Variants in ZCCHC7 observed in about 807,000 individuals in gnomAD.
The protein encoded by ZCCHC7 is zinc finger CCHC-type containing 7.
In ZCCHC7, 35 loss-of-function variants were observed where a neutral mutation model predicts 52.0. The observed-to-expected ratio is 0.67, with a 90% CI of 0.51 to 0.89. The LOEUF is 0.89. Ranked by LOEUF, ZCCHC7 falls within the 40% of genes least tolerant of loss-of-function variation. The pLI is 0.00. For missense variants in ZCCHC7, 574 were observed against 649.1 expected (o/e 0.88, Z 1.26); for synonymous variants, 217 against 221.5 (o/e 0.98, Z 0.18).
intron 2 of ZCCHC7, among the ~76,000 whole-genome samples, chr9:37,130,334 CTTTTTTTTTTTT>C (rs34589957): frequency 2.2e-4 from 14 of 63,136 alleles, no homozygotes; most frequent in South Asian, 1.5e-3. Context: ...GAATTCTCTC[CTTTTTTTTTTTT>C]TTTTTTTTTT....
chr9:37,223,772 C>T (rs1824949264), intron 2 of ZCCHC7, among the ~76,000 whole-genome samples: 1 of 151,864 alleles, frequency 6.6e-6, no homozygotes, highest in African/African-American at 2.4e-5. Context: ...TGGAAACAAC[C>T]CAGATGTTTA....
intron 2 of ZCCHC7, among the ~76,000 whole-genome samples, chr9:37,278,616 G>T (rs988615150): frequency 6.6e-6 from 1 of 152,164 alleles, no homozygotes; most frequent in Non-Finnish European, 1.5e-5. Context: ...CCCACATTTA[G>T]TGAAAGATGT....
chr9:37,340,041 A>G (rs944165781), intron 6 of ZCCHC7, among the ~76,000 whole-genome samples: 3 of 152,180 alleles, frequency 2.0e-5, no homozygotes, highest in African/African-American at 7.2e-5. Flanking sequence ...TAGTGAAGGG[A>G]GTAAGGCCAG....
rs781549500 is a variant in ZCCHC7 at position 37,126,617 on chromosome 9, T to A, written c.285T>A (p.Ser95=). Residue 95 remains serine (S), a synonymous_variant, in exon 2 of 9, where the codon TCT becomes TCA. Coordinates refer to ENST00000336755, the MANE Select transcript of ZCCHC7 (RefSeq NM_032226.3). ...ATGGGTCAGAGGTCATCACTTTGTC[T>A]GATGAAGACAGTATTTATAGATGTA... is the stretch of plus-strand genomic sequence containing the variant. ...LSDGSEVITL[S]DEDSIYRCKG... 6.2e-7 allele frequency: 1 copy of A among 1,614,206 alleles called. No individual in the cohort carries two copies.
Position 37,354,640 on chromosome 9 carries a change from C to A in ZCCHC7, c.1084-70C>A, listed in dbSNP as rs1411678703. ...GGGGCTCATTTCTAATTAACATGCT[C>A]CAGAATCTTGCAAAAAGGTTTTTGA... On this transcript the variant is annotated intron_variant, in intron 7 of 8. Coordinates refer to ENST00000336755, the MANE Select transcript of ZCCHC7 (RefSeq NM_032226.3). The surrounding 1 kb of genome is among the most constrained non-coding windows in gnomAD (Gnocchi z 4.0). The A allele has an allele frequency of 9.0e-7, 1 of 1,112,398 alleles. No homozygotes were observed. Among genetic ancestry groups the A allele is most frequent in the African/African-American group, 1.6e-5 (1 of 64,140 alleles). The allele number at this position is 1,112,398 out of a possible 1,614,324, so 68.9% of individuals were successfully genotyped here. A position where few individuals can be genotyped will look rare whatever the true frequency, so the allele number is the denominator to read the frequency against.
At chr9:37,279,193 A>G (rs1243062281) in intron 2 of ZCCHC7, among the ~76,000 whole-genome samples, 1 of 151,970 alleles carries the variant, frequency 6.6e-6, no homozygotes, top group Non-Finnish European at 1.5e-5. Context: ...TTTCAAATGT[A>G]TATGATGTTG....
At chr9:37,305,901 A>T (rs913226409) in intron 5 of ZCCHC7, among the ~76,000 whole-genome samples, 187 bp downstream of exon 5, 1 of 152,138 alleles carries the variant, frequency 6.6e-6, no homozygotes, top group Non-Finnish European at 1.5e-5. Flanking sequence ...TGCTCTAAAT[A>T]ATATAGGGGT....
intron 2 of ZCCHC7, among the ~76,000 whole-genome samples, chr9:37,265,409 G>C (rs1196514942): frequency 1.3e-5 from 2 of 152,148 alleles, no homozygotes; most frequent in South Asian, 2.1e-4. Flanking sequence ...GATCACGAAA[G>C]AAAGTTCGTC....
chr9:37,174,970 C>G (rs1471385173), intron 2 of ZCCHC7, among the ~76,000 whole-genome samples: 5 of 152,004 alleles, frequency 3.3e-5, no homozygotes, highest in Non-Finnish European at 7.4e-5. Flanking sequence ...AACCCTGTCT[C>G]TACTAAAAAT....
chr9:37,194,823 GTTA>G (rs1473749602), intron 2 of ZCCHC7, among the ~76,000 whole-genome samples: 6 of 151,994 alleles, frequency 3.9e-5, no homozygotes, highest in Non-Finnish European at 7.4e-5. Flanking sequence ...ATTACAAACA[GTTA>G]TTATATATAC....
chr9:37,357,969 G>A lies in ZCCHC7; in HGVS notation c.*701G>A, dbSNP rs1007475055. ...AATCATTTTTTACCACTTTTACAGC[G>A]GTGTTTCAAGCGGACTGTCACTCAG... is the stretch of plus-strand genomic sequence containing the variant. On this transcript the variant is annotated 3_prime_UTR_variant, in exon 9 of 9. Transcript: ENST00000336755. 3.9e-5 allele frequency: 6 copies of A among 151,918 alleles called. No homozygotes were observed. Among genetic ancestry groups the A allele is most frequent in the African/African-American group, 7.3e-5 (3 of 41,360 alleles). 9.4% of individuals were successfully genotyped at this position (151,918 alleles called of 1,614,324 possible). A position where few individuals can be genotyped will look rare whatever the true frequency, so the allele number is the denominator to read the frequency against.
chr9:37,281,397 G>C (rs1240054208), intron 2 of ZCCHC7, among the ~76,000 whole-genome samples: 1 of 152,172 alleles, frequency 6.6e-6, no homozygotes, highest in Admixed American at 6.5e-5. Context: ...TCTCAGTTTT[G>C]TGTGTGTTTT....
At chr9:37,319,578 G>T (rs116085257) in intron 5 of ZCCHC7, among the ~76,000 whole-genome samples, 1 of 151,932 alleles carries the variant, frequency 6.6e-6, no homozygotes, top group Non-Finnish European at 1.5e-5. Context: ...CAGGCACGTG[G>T]CACCATGCTC....
rs112517421 is a variant in ZCCHC7 at position 37,185,917 on chromosome 9, A to C, written c.610+58975A>C. 4.4e-3 allele frequency among the ~76,000 whole-genome samples: 667 copies of C among 152,082 alleles called. 3 individuals carry two copies. Among genetic ancestry groups the C allele is most frequent in the African/African-American group, 0.015 (637 of 41,486 alleles). Reference sequence around the variant, plus strand: ...CACTATCAGGAATATCTGTTCATTCATGCATTTTATTTATTTATTTATTTA... The same window carrying C: ...CACTATCAGGAATATCTGTTCATTCCTGCATTTTATTTATTTATTTATTTA... On this transcript the variant is annotated intron_variant, in intron 2 of 8. Coordinates refer to ENST00000336755, the MANE Select transcript of ZCCHC7 (RefSeq NM_032226.3).
intron 6 of ZCCHC7, among the ~76,000 whole-genome samples, chr9:37,338,654 A>G (rs1285084357): frequency 2.0e-5 from 3 of 152,152 alleles, no homozygotes; most frequent in African/African-American, 7.2e-5. Context: ...CAATATGGCA[A>G]ATTACTCTCA....
intron 2 of ZCCHC7, among the ~76,000 whole-genome samples, chr9:37,261,031 A>G (rs1333868184): frequency 1.3e-5 from 2 of 152,154 alleles, no homozygotes; most frequent in Admixed American, 1.3e-4. Context: ...ATTATTATTT[A>G]GCTCTCACCA....
intron 2 of ZCCHC7, among the ~76,000 whole-genome samples, chr9:37,218,188 C>T (rs1355798486): frequency 6.6e-6 from 1 of 151,864 alleles, no homozygotes; most frequent in Non-Finnish European, 1.5e-5. Context: ...TTTTGATTGT[C>T]AAGTAGCAGA....
At chr9:37,240,950 C>A (rs887385393) in intron 2 of ZCCHC7, among the ~76,000 whole-genome samples, 30 of 151,598 alleles carry the variant, frequency 2.0e-4, no homozygotes, top group African/African-American at 7.3e-4. Flanking sequence ...TTTAATAATA[C>A]TATTGAAATT....
At chr9:37,264,725 A>T (rs1345555405) in intron 2 of ZCCHC7, among the ~76,000 whole-genome samples, 1 of 152,190 alleles carries the variant, frequency 6.6e-6, no homozygotes. Flanking sequence ...CATAAATTAC[A>T]AGCAGTAACC....
Sources: gnomAD v4.1 joint callset for allele counts (sites outside exome capture counted in the v4.1 genomes callset) on GRCh38, gnomAD v4.1.1 for gene constraint, Gnocchi (gnomAD v3.1) non-coding constraint, MANE v1.5 for transcripts, NCBI Gene and HGNC (gene_info 2026-07-23, HGNC 2026-07-21) for gene names.